The following SLC27A3 variants were observed in gnomAD, a reference collection of about 807,000 sequenced individuals.
The protein encoded by SLC27A3 is long-chain fatty acid transport protein 3.
In SLC27A3, 60 loss-of-function variants were observed where a neutral mutation model predicts 60.1. The ratio of observed to expected loss-of-function variants is 1.00; its 90% CI spans 0.81 to 1.24. SLC27A3 has a LOEUF of 1.24. Ranked by LOEUF, SLC27A3 falls within the 50% of genes most tolerant of loss-of-function variation. The probability of loss-of-function intolerance (pLI) is 0.00; values close to 1 mark genes in which losing one functional copy is unlikely to be tolerated. For missense variants in SLC27A3, 1,079 were observed against 929.9 expected, an observed-to-expected ratio of 1.16 and a Z score of -2.09; for synonymous variants, 455 against 409.0, an observed-to-expected ratio of 1.11 and a Z score of -1.36.
intron 4 of SLC27A3, 80 bp from the exon 5 acceptor site, chr1:153,778,081 G>A: frequency 1.3e-6 from 2 of 1,524,704 alleles, no homozygotes; most frequent in East Asian, 2.3e-5. Flanking sequence ...AGGGGGTTCT[G>A]GGGAATGGGG....
chr1:153,779,474 G>A lies in SLC27A3; in HGVS notation c.1875+1G>A. The stretch of plus-strand genomic sequence containing the variant: ...CCGGCCCCGATTCCTCAGGCTCCAG[G>A]TAACCGGCCACTTCCCCCGCCGGCC... On this transcript the variant is annotated splice_donor_variant, in intron 9 of 9. Coordinates refer to ENST00000624995, the MANE Select transcript of SLC27A3 (RefSeq NM_024330.4). LOFTEE classifies it high-confidence loss of function. 9 of 1,612,048 alleles carry A rather than the reference G, an allele frequency of 5.6e-6. No homozygotes were observed. The highest frequency in any genetic ancestry group is 7.6e-6 in the Non-Finnish European group (9 of 1,179,510).
chr1:153,777,741 C>A lies in SLC27A3; in HGVS notation c.1037-20C>A. 3 of 1,613,724 alleles carry A rather than the reference C, an allele frequency of 1.9e-6. No individual in the cohort carries two copies. In the East Asian group the frequency reaches 6.7e-5, roughly 36 times the overall value. On this transcript the variant is annotated intron_variant, in intron 3 of 9. Coordinates refer to ENST00000624995, the MANE Select transcript of SLC27A3 (RefSeq NM_024330.4). The stretch of plus-strand genomic sequence containing the variant: ...CTCCTAATCTTACCTCCCTTCTTCC[C>A]CCCTGCCCACTTCTGGCAGGGGCCA...
chr1:153,779,660 G>A, intron 9 of SLC27A3, 166 bp from the exon 10 acceptor site: 1 of 906,370 alleles, frequency 1.1e-6, no homozygotes, highest in Non-Finnish European at 1.7e-6. Flanking sequence ...CCTTATCCCT[G>A]CCTTCTTCTG....
chr1:153,777,677 G>A (rs1444799178), intron 3 of SLC27A3, 84 bp from the exon 4 acceptor site: 2 of 1,524,224 alleles, frequency 1.3e-6, no homozygotes, highest in African/African-American at 2.8e-5. Flanking sequence ...TACAGTGATG[G>A]CTGGGGTCTG....
At chr1:153,779,711 C>T (rs1384781568) in intron 9 of SLC27A3, 115 bp from the exon 10 acceptor site, 3 of 1,095,796 alleles carry the variant, frequency 2.7e-6, no homozygotes, top group African/African-American at 3.1e-5. Context: ...TCCCCTAAAC[C>T]TTGACCTCAC....
intron 7 of SLC27A3, 58 bp from the exon 8 acceptor site, chr1:153,779,056 C>T (rs1673386121): frequency 6.4e-7 from 1 of 1,566,760 alleles, no homozygotes; most frequent in Admixed American, 1.7e-5. Flanking sequence ...CATCTCCCCA[C>T]CAAGCCCATA....
intron 3 of SLC27A3, chr1:153,777,492 G>A (rs1673289618): frequency 1.1e-5 from 7 of 614,836 alleles, no homozygotes; most frequent in Admixed American, 2.9e-5. Context: ...TAAGAGAAGA[G>A]GGAGAGAGAG....
At chr1:153,779,585 C>G in intron 9 of SLC27A3, 112 bp downstream of exon 9, 1 of 1,284,974 alleles carries the variant, frequency 7.8e-7, no homozygotes, top group Non-Finnish European at 1.1e-6. Context: ...CAAAGGGACC[C>G]CCAACGTAAT....
intron 1 of SLC27A3, 116 bp from the exon 2 acceptor site, chr1:153,776,402 C>G: frequency 1.6e-6 from 2 of 1,282,322 alleles, no homozygotes; most frequent in Non-Finnish European, 2.1e-6. Context: ...GATGGAATGT[C>G]CATACCCTTC....
chr1:153,780,012 C>T lies in SLC27A3; in HGVS notation c.*10C>T, dbSNP rs760068191. ...AAACCTTCGAATCTGAGAACTTCCA[C>T]ACCTGAGGCACCTGAGAGAGGAACT... On this transcript the variant is annotated 3_prime_UTR_variant, in exon 10 of 10. Coordinates refer to ENST00000624995, the MANE Select transcript of SLC27A3 (RefSeq NM_024330.4). The T allele has an allele frequency of 3.1e-6, 5 of 1,601,186 alleles. No homozygotes were observed. The South Asian group carries it at 3.4e-5, about 11-fold the overall frequency.
Position 153,778,814 on chromosome 1 carries a change from C to T in SLC27A3, c.1575C>T (p.Asn525=), listed in dbSNP as rs776617807. The T allele has an allele frequency of 6.2e-7, 1 of 1,614,196 alleles. No homozygotes were observed. Residue 525 remains asparagine, a synonymous_variant, in exon 7 of 10, where the codon AAC becomes AAT. Coordinates refer to ENST00000624995, the MANE Select transcript of SLC27A3 (RefSeq NM_024330.4). ...DVFRPGDVFF[N]TGDLLVCDDQ... The stretch of plus-strand genomic sequence containing the variant: ...TCCGGCCTGGGGATGTTTTCTTCAA[C>T]ACTGGGGACCTGCTGGTCTGCGATG...
At chr1:153,776,759 A>C in intron 2 of SLC27A3, 32 bp downstream of exon 2, 1 of 1,608,358 alleles carries the variant, frequency 6.2e-7, no homozygotes, top group Non-Finnish European at 8.5e-7. Context: ...TAGCTCCCCG[A>C]AACCAAGGCA....
At position 153,778,531 on chromosome 1, in the gene SLC27A3, G is replaced by A. The variant is rs1673359168; in HGVS notation, c.1425G>A (p.Gly475=). The change falls in exon 6 of 10, where the codon GGG becomes GGA. Residue 475 remains glycine (G), a synonymous_variant. Coordinates refer to ENST00000624995, the MANE Select transcript of SLC27A3 (RefSeq NM_024330.4). ...GAGAGCCAATTCGGGACCCCCAGGG[G>A]CACTGTATGGCCACATCTCCAGGTT... is the stretch of plus-strand genomic sequence containing the variant. ...TTGEPIRDPQ[G]HCMATSPGEP... 6 of 1,614,196 alleles carry A rather than the reference G, an allele frequency of 3.7e-6. No individual in the cohort carries two copies. Among genetic ancestry groups the A allele is most frequent in the Non-Finnish European group, 5.1e-6 (6 of 1,180,018 alleles).
chr1:153,777,938 G>C, intron 4 of SLC27A3, 53 bp downstream of exon 4: 6 of 1,611,398 alleles, frequency 3.7e-6, no homozygotes, highest in Non-Finnish European at 5.1e-6. Context: ...TAGCTCACGG[G>C]GAGCAGGACA....
At chr1:153,776,914 C>T in intron 2 of SLC27A3, 148 bp from the exon 3 acceptor site, 1 of 972,344 alleles carries the variant, frequency 1.0e-6, no homozygotes, top group Admixed American at 2.3e-5. Flanking sequence ...CCCCAGACCA[C>T]CCATATTTCC....
Position 153,779,533 on chromosome 1 carries a change from C to T in SLC27A3, c.1875+60C>T. ...CATATATCCTCACCCCACATATCCA[C>T]CCCGTGTATCAACTTAGGAGTTTGA... On this transcript the variant is annotated intron_variant, in intron 9 of 9. Coordinates refer to ENST00000624995, the MANE Select transcript of SLC27A3 (RefSeq NM_024330.4). 1.9e-6 allele frequency: 3 copies of T among 1,562,730 alleles called. No individual in the cohort carries two copies. In the East Asian group the frequency reaches 6.7e-5, roughly 35 times the overall value.
In SLC27A3 at chr1:153,775,827, G is replaced by T; in HGVS notation, c.330G>T (p.Ala110=). 1 of 1,497,370 alleles carries T rather than the reference G, an allele frequency of 6.7e-7. No homozygotes were observed. Among genetic ancestry groups the T allele is most frequent in the South Asian group, 1.3e-5 (1 of 75,118 alleles). The allele number at this position is 1,497,370 out of a possible 1,614,324, so 92.8% of individuals were successfully genotyped here. Residue 110 remains alanine (A), a synonymous_variant, in exon 1 of 10, where the codon GCG becomes GCT. Transcript: ENST00000624995. The part of the protein sequence containing the change: ...SNRAARAFLR[A]LGWDWGPDGG... ...GGGCTGCACGCGCCTTCCTACGTGC[G>T]CTAGGCTGGGACTGGGGACCCGACG...
Position 153,778,477 on chromosome 1 carries a change from C to G in SLC27A3, c.1371C>G (p.Phe457Leu). 6.2e-7 allele frequency: 1 copy of G among 1,614,210 alleles called. No individual in the cohort carries two copies. Among genetic ancestry groups the G allele is most frequent in the Non-Finnish European group, 8.5e-7 (1 of 1,180,008 alleles). ...CCTTTCCCCAGCATATCTTCCCCTT[C>G]TCCTTGATTCGCTATGATGTCACCA... is the stretch of plus-strand genomic sequence containing the variant. ...ASWLYKHIFP[F>L]SLIRYDVTTG... Residue 457 changes from phenylalanine (F) to leucine (L), a missense_variant, in exon 6 of 10, where the codon TTC becomes TTG. Phe to Leu is a conservative substitution (Grantham distance 22). Coordinates refer to ENST00000624995, the MANE Select transcript of SLC27A3 (RefSeq NM_024330.4).
At chr1:153,779,256 G>T in intron 8 of SLC27A3, 45 bp downstream of exon 8, 1 of 1,613,054 alleles carries the variant, frequency 6.2e-7, no homozygotes, top group East Asian at 2.2e-5. Context: ...CCACCACCCC[G>T]AATTGGTAGT....
Sources: gnomAD v4.1 joint callset for allele counts on GRCh38, gnomAD v4.1.1 for gene constraint, MANE v1.5 for transcripts, NCBI Gene and HGNC (gene_info 2026-07-23, HGNC 2026-07-21) for gene names.